The following FGF1 variants were observed in gnomAD, a reference collection of about 807,000 sequenced individuals.
FGF1 encodes beta-endothelial cell growth factor.
In FGF1, 9 loss-of-function variants were observed where a neutral mutation model predicts 13.4. The observed-to-expected ratio is 0.67, with a 90% confidence interval of 0.40 to 1.17. FGF1 has a LOEUF of 1.17. Among genes scored for constraint, FGF1 ranks in the 50% most tolerant of loss-of-function variants. The pLI is 0.01. For synonymous variants in FGF1, 93 were observed against 79.0 expected (o/e 1.18, Z -0.94); for missense variants, 156 against 192.7 (o/e 0.81, Z 1.13).
At chr5:142,612,872 G>A (rs1347046994) in intron 2 of FGF1, among the ~76,000 whole-genome samples, 4 of 152,124 alleles carry the variant, frequency 2.6e-5, no homozygotes, top group South Asian at 2.1e-4. Flanking sequence ...GAGCACCAGC[G>A]AAGTGGTCAT....
Position 142,595,435 on chromosome 5 carries a change from T to C in FGF1, c.323A>G (p.His108Arg). Residue 108 changes from histidine to arginine, a missense_variant, in exon 4 of 4, where the codon CAT (histidine) becomes CGT (arginine). His to Arg is a conservative substitution (Grantham distance 29, BLOSUM62 0). Coordinates refer to ENST00000337706, the MANE Select transcript of FGF1 (RefSeq NM_000800.5). ...CLFLERLEEN[H>R]YNTYISKKHA... ...CTTCTTGGATATATAGGTGTTGTAATGGTTCTCCTCCAGCCTTTCCAGGAA... is the reference window on the plus strand; with the variant it reads ...CTTCTTGGATATATAGGTGTTGTAACGGTTCTCCTCCAGCCTTTCCAGGAA... The C allele has an allele frequency of 6.2e-7, 1 of 1,614,050 alleles. No individual in the cohort carries two copies. Among genetic ancestry groups the C allele is most frequent in the South Asian group, 1.1e-5 (1 of 91,076 alleles).
chr5:142,666,611 A>G (rs73284579), intron 1 of FGF1, among the ~76,000 whole-genome samples: 9,559 of 152,264 alleles, frequency 0.063, 463 homozygotes, highest in Middle Eastern at 0.15. Flanking sequence ...TCTACATTAT[A>G]ACAAGAGAAG....
chr5:142,608,190 G>A (rs1394579033), intron 2 of FGF1, among the ~76,000 whole-genome samples: 4 of 152,092 alleles, frequency 2.6e-5, no homozygotes, highest in Non-Finnish European at 5.9e-5. Context: ...TGAGGAAAAT[G>A]CCTGGAGAGA....
At chr5:142,696,907 G>A (rs992196018) in intron 2 of FGF1, among the ~76,000 whole-genome samples, 1 of 152,182 alleles carries the variant, frequency 6.6e-6, no homozygotes, top group East Asian at 1.9e-4. Context: ...AACAGTTTGT[G>A]TGTGGAAGTG....
At chr5:142,643,910 T>C (rs2151956080) in intron 1 of FGF1, among the ~76,000 whole-genome samples, 1 of 152,364 alleles carries the variant, frequency 6.6e-6, no homozygotes, top group South Asian at 2.1e-4. Context: ...GCATGTAAGC[T>C]CATGTTAGCG....
At chr5:142,614,992 A>G (rs17223597) in intron 1 of FGF1, among the ~76,000 whole-genome samples, 18 of 151,836 alleles carry the variant, frequency 1.2e-4, no homozygotes, top group Non-Finnish European at 2.1e-4. Flanking sequence ...CCACCATATT[A>G]TATATAATAT....
At chr5:142,650,122 G>A (rs373287986) in intron 1 of FGF1, among the ~76,000 whole-genome samples, 2 of 152,188 alleles carry the variant, frequency 1.3e-5, no homozygotes, top group African/African-American at 4.8e-5. Flanking sequence ...TTCCAGTTTG[G>A]GAGGCACTGG....
intron 1 of FGF1, among the ~76,000 whole-genome samples, chr5:142,624,181 A>G (rs1472732292): frequency 2.6e-5 from 4 of 152,100 alleles, no homozygotes; most frequent in South Asian, 4.2e-4. Flanking sequence ...CAGCCTCCCA[A>G]AGGGCTGGGA....
chr5:142,697,186 G>A (rs1015379362), intron 2 of FGF1, among the ~76,000 whole-genome samples: 1 of 152,158 alleles, frequency 6.6e-6, no homozygotes, highest in Non-Finnish European at 1.5e-5. Context: ...GGCTCTGCAT[G>A]TCTCATTTTT....
At chr5:142,664,961 T>C (rs1770018935) in intron 1 of FGF1, among the ~76,000 whole-genome samples, 2 of 152,238 alleles carry the variant, frequency 1.3e-5, no homozygotes, top group Non-Finnish European at 2.9e-5. Flanking sequence ...CTTAACACAG[T>C]GCTGCATTGT....
intron 1 of FGF1, among the ~76,000 whole-genome samples, chr5:142,650,303 T>C (rs555377393): frequency 6.6e-6 from 1 of 152,320 alleles, no homozygotes; most frequent in South Asian, 2.1e-4. Flanking sequence ...ATCCATGACA[T>C]TTATCAAGAT....
rs1486676687 is a variant in FGF1, at chr5:142,644,571, A to G, written c.-34-30410T>C. Among the ~76,000 whole-genome samples the G allele has an allele frequency of 2.6e-5, 4 of 152,172 alleles. No homozygotes were observed. In the East Asian group the frequency reaches 7.7e-4, roughly 29 times the overall value. On this transcript the variant is annotated intron_variant, in intron 1 of 3. Coordinates refer to ENST00000337706, the MANE Select transcript of FGF1 (RefSeq NM_000800.5). ...CTTCTAGAGTCAATTTTGGTTGCTT[A>G]CAATTAAGAAACCAAGCCAGCTCCT...
intron 2 of FGF1, among the ~76,000 whole-genome samples, chr5:142,693,772 A>G (rs1218336829): frequency 6.6e-6 from 1 of 152,184 alleles, no homozygotes; most frequent in Admixed American, 6.5e-5. Context: ...TTTCATATAA[A>G]TGGAATCAAA....
intron 1 of FGF1, among the ~76,000 whole-genome samples, chr5:142,655,959 T>G (rs753821903): frequency 2.6e-5 from 4 of 152,190 alleles, no homozygotes; most frequent in Admixed American, 2.6e-4. Context: ...TTTTCCTGAG[T>G]GTTTTTGCGT....
At chr5:142,666,551 A>AC (rs1049552219) in intron 1 of FGF1, among the ~76,000 whole-genome samples, 10 of 151,930 alleles carry the variant, frequency 6.6e-5, no homozygotes, top group African/African-American at 2.2e-4. Flanking sequence ...CACAAAAAAA[A>AC]CCGTAGCATT....
chr5:142,629,895 AT>A (rs35168859), intron 1 of FGF1, among the ~76,000 whole-genome samples: 9,479 of 127,702 alleles, frequency 0.074, 713 homozygotes, highest in African/African-American at 0.2. Flanking sequence ...ATATATATAT[AT>A]TTTTTTTTTT....
chr5:142,669,958 T>A (rs753111949), intron 1 of FGF1, among the ~76,000 whole-genome samples: 1 of 151,946 alleles, frequency 6.6e-6, no homozygotes, highest in Non-Finnish European at 1.5e-5. Context: ...AAGTACAGGA[T>A]CACAGCCTTC....
intron 1 of FGF1, among the ~76,000 whole-genome samples, chr5:142,662,302 C>T (rs79637212): frequency 0.028 from 4,306 of 152,286 alleles, 211 homozygotes; most frequent in African/African-American, 0.098. Flanking sequence ...GTTCTCACCT[C>T]GTTCACTAAT....
intron 1 of FGF1, among the ~76,000 whole-genome samples, chr5:142,633,877 G>A (rs780139687): frequency 2.0e-5 from 3 of 152,090 alleles, no homozygotes; most frequent in Non-Finnish European, 4.4e-5. Context: ...AGGCACTAAT[G>A]ACTCTGTTGA....
Sources: allele counts gnomAD v4.1 joint callset (sites outside exome capture counted in the v4.1 genomes callset), GRCh38; gene constraint gnomAD v4.1.1; transcripts MANE v1.5; gene names NCBI Gene and HGNC (gene_info 2026-07-23, HGNC 2026-07-21).